WDR70: variants seen among roughly 807,000 people sequenced by gnomAD.
WDR70 encodes WD repeat domain 70, also known as WD repeat-containing protein 70.
WDR70 carries 53 observed loss-of-function variants against 88.6 expected under a neutral mutation model. That is an observed-to-expected ratio of 0.60 (90% CI 0.48 to 0.75). WDR70 has a LOEUF of 0.75. WDR70 is among the 30% of genes least tolerant of loss of function. WDR70 has a pLI of 0.00. For missense variants in WDR70, 610 were observed against 823.2 expected, an observed-to-expected ratio of 0.74 and a Z score of 3.17; for synonymous variants, 280 against 270.0, an observed-to-expected ratio of 1.04 and a Z score of -0.36.
In WDR70 at chr5:37,478,239, A is replaced by T. The variant is rs543733239; in HGVS notation, c.687-1595A>T. On this transcript the variant is annotated intron_variant, in intron 7 of 17. Transcript: ENST00000265107. ...CAGCTATCGAATTCCTAGTCCTTTT[A>T]ATTACTTCTCTGTACTTCACAAATG... Among the ~76,000 whole-genome samples the T allele has an allele frequency of 4.9e-4, 74 of 152,204 alleles. 2 individuals carry two copies. Among genetic ancestry groups the T allele is most frequent in the Middle Eastern group, 6.8e-3 (2 of 294 alleles).
At chr5:37,477,557 A>G (rs1018518477) in intron 7 of WDR70, among the ~76,000 whole-genome samples, 1 of 152,182 alleles carries the variant, frequency 6.6e-6, no homozygotes, top group African/African-American at 2.4e-5. Context: ...CTCATCTACA[A>G]CTTCTATTCA....
intron 9 of WDR70, among the ~76,000 whole-genome samples, chr5:37,559,168 G>C (rs1168334761): frequency 6.6e-6 from 1 of 152,016 alleles, no homozygotes; most frequent in Non-Finnish European, 1.5e-5. Flanking sequence ...TCCTGACCTT[G>C]TAACCTACCC....
In WDR70 at chr5:37,392,045, G is replaced by A. The variant is rs1213346478; in HGVS notation, c.221G>A (p.Arg74Lys). Residue 74 changes from arginine (R) to lysine (K), a missense_variant, in exon 4 of 18, where the codon AGA becomes AAA. Arg to Lys is a conservative substitution (Grantham distance 26). Around this residue, in one of 4 missense-constraint regions of WDR70, gnomAD observed 203 missense variants for 228.1 expected, o/e 0.89. Coordinates refer to ENST00000265107, the MANE Select transcript of WDR70 (RefSeq NM_018034.4). ...EEEMNREKELRRQNEDIEPTS... is the reference protein window; with the variant it reads ...EEEMNREKELKRQNEDIEPTS... ...GAAATGAACAGAGAGAAAGAATTAA[G>A]AAGACAAAATGAAGATATTGAGCCA... 1 of 1,612,198 alleles carries A rather than the reference G, an allele frequency of 6.2e-7. No individual in the cohort carries two copies. Among genetic ancestry groups the A allele is most frequent in the African/African-American group, 1.3e-5 (1 of 74,786 alleles).
intron 9 of WDR70, among the ~76,000 whole-genome samples, chr5:37,576,717 T>A (rs933287345): frequency 6.6e-6 from 1 of 151,570 alleles, no homozygotes; most frequent in Non-Finnish European, 1.5e-5. Flanking sequence ...TGATTTATGA[T>A]CATTTTAGGA....
chr5:37,672,309 C>G (rs1342330556), intron 10 of WDR70, among the ~76,000 whole-genome samples: 1 of 151,994 alleles, frequency 6.6e-6, no homozygotes, highest in Non-Finnish European at 1.5e-5. Context: ...GCCTGACACC[C>G]GTGAAGCGTC....
intron 9 of WDR70, among the ~76,000 whole-genome samples, chr5:37,586,133 G>A (rs192318202): frequency 2.0e-4 from 30 of 152,086 alleles, no homozygotes; most frequent in Middle Eastern, 3.4e-3. Flanking sequence ...CCCCATTCTG[G>A]CATCCTCAAT....
chr5:37,559,736 T>G (rs970213210), intron 9 of WDR70, among the ~76,000 whole-genome samples: 1 of 151,910 alleles, frequency 6.6e-6, no homozygotes, highest in Admixed American at 6.6e-5. Context: ...TCCCAGCTAC[T>G]TGGGAGGCTG....
At chr5:37,461,542 G>A (rs1405921686) in intron 7 of WDR70, among the ~76,000 whole-genome samples, 1 of 151,968 alleles carries the variant, frequency 6.6e-6, no homozygotes, top group Admixed American at 6.6e-5. Flanking sequence ...GGAGTGCAGT[G>A]GCGCCATCTC....
chr5:37,441,959 T>C (rs1209127507), intron 6 of WDR70, among the ~76,000 whole-genome samples: 1 of 152,022 alleles, frequency 6.6e-6, no homozygotes, highest in Non-Finnish European at 1.5e-5. Flanking sequence ...AAGCTACATA[T>C]AGCTTAGGAA....
chr5:37,537,598 C>G (rs1741702736), intron 9 of WDR70, among the ~76,000 whole-genome samples: 1 of 151,894 alleles, frequency 6.6e-6, no homozygotes, highest in Non-Finnish European at 1.5e-5. Flanking sequence ...TTTTTTTATC[C>G]TAAGACATTA....
At chr5:37,484,924 A>G (rs1200398127) in intron 8 of WDR70, among the ~76,000 whole-genome samples, 2 of 152,222 alleles carry the variant, frequency 1.3e-5, no homozygotes, top group East Asian at 1.9e-4. Context: ...GTCCACTAAC[A>G]TTCAGTCAGC....
chr5:37,542,687 A>G (rs1741864515), intron 9 of WDR70, among the ~76,000 whole-genome samples: 1 of 152,168 alleles, frequency 6.6e-6, no homozygotes, highest in Non-Finnish European at 1.5e-5. Context: ...TACACAAATC[A>G]TGTAATTTGT....
intron 8 of WDR70, chr5:37,505,894 C>A: frequency 7.4e-7 from 1 of 1,348,404 alleles, no homozygotes; most frequent in Non-Finnish European, 1.1e-6. Flanking sequence ...AAGTTAATTC[C>A]TGTCATCTGA....
intron 17 of WDR70, among the ~76,000 whole-genome samples, chr5:37,744,407 A>C (rs552222940): frequency 2.0e-5 from 3 of 152,162 alleles, no homozygotes. Flanking sequence ...CATTAAGGGC[A>C]CAGAACTGGA....
At chr5:37,638,083 G>T (rs72740975) in intron 10 of WDR70, among the ~76,000 whole-genome samples, 1 of 152,056 alleles carries the variant, frequency 6.6e-6, no homozygotes, top group African/African-American at 2.4e-5. Context: ...TATTTTCTGA[G>T]CCTGATTATA....
intron 10 of WDR70, among the ~76,000 whole-genome samples, chr5:37,673,586 C>CCCA (rs1746096574): frequency 1.0e-5 from 1 of 97,164 alleles, no homozygotes; most frequent in South Asian, 4.6e-4. Flanking sequence ...TTTTCTTACC[C>CCCA]CCCCCCCACC....
chr5:37,507,820 A>T (rs1207100794), intron 8 of WDR70, among the ~76,000 whole-genome samples: 1 of 152,092 alleles, frequency 6.6e-6, no homozygotes, highest in African/African-American at 2.4e-5. Context: ...TTGGTTTCTA[A>T]CTGTCATTGG....
At chr5:37,635,343 T>C (rs1004386177) in intron 10 of WDR70, among the ~76,000 whole-genome samples, 6 of 152,170 alleles carry the variant, frequency 3.9e-5, no homozygotes, top group African/African-American at 1.4e-4. Context: ...GTACTAACTT[T>C]TGTGCCGCTG....
chr5:37,722,670 C>G, intron 14 of WDR70, 185 bp from the exon 15 acceptor site: 1 of 591,920 alleles, frequency 1.7e-6, no homozygotes, highest in Non-Finnish European at 3.0e-6. Flanking sequence ...GACAGACTTG[C>G]TTTTCCATAA....
Sources: allele counts gnomAD v4.1 joint callset (sites outside exome capture counted in the v4.1 genomes callset), GRCh38; gene constraint gnomAD v4.1.1; regional missense constraint gnomAD v4.1.1; transcripts MANE v1.5; gene names NCBI Gene and HGNC (gene_info 2026-07-23, HGNC 2026-07-21).